FOXP1: variants seen among roughly 807,000 people sequenced by gnomAD.
The protein encoded by FOXP1 is forkhead box protein P1.
A neutral mutation model predicts 98.2 loss-of-function variants in FOXP1; 15 were observed. That is an observed-to-expected ratio of 0.15 (90% CI 0.10 to 0.24). FOXP1 has a LOEUF of 0.24. Ranked by LOEUF, FOXP1 falls within the 10% of genes least tolerant of loss-of-function variation. The pLI is 1.00. For missense variants in FOXP1, 633 were observed against 848.5 expected, an observed-to-expected ratio of 0.75 and a Z score of 3.15; for synonymous variants, 371 against 314.5, an observed-to-expected ratio of 1.18 and a Z score of -1.90.
At chr3:71,233,412 T>C (rs969421441) in intron 5 of FOXP1, among the ~76,000 whole-genome samples, 1 of 152,030 alleles carries the variant, frequency 6.6e-6, no homozygotes, top group South Asian at 2.1e-4. Context: ...GCAGCTGCTA[T>C]AGTTTTTTTT....
intron 4 of FOXP1, among the ~76,000 whole-genome samples, chr3:71,338,079 A>G (rs929468452): frequency 1.3e-5 from 2 of 152,212 alleles, no homozygotes; most frequent in Non-Finnish European, 2.9e-5. Context: ...GAAAGGAAAA[A>G]ATGAAAGCAT....
chr3:71,066,267 A>C (rs2052493122), intron 7 of FOXP1, among the ~76,000 whole-genome samples: 1 of 152,226 alleles, frequency 6.6e-6, no homozygotes, highest in Non-Finnish European at 1.5e-5. Flanking sequence ...AGCGGGGAGC[A>C]GACAATTCCC....
chr3:71,340,078 T>C (rs75727747), intron 4 of FOXP1, among the ~76,000 whole-genome samples: 2 of 152,202 alleles, frequency 1.3e-5, no homozygotes, highest in African/African-American at 4.8e-5. Context: ...GAAGTATCTT[T>C]TGATGCATAT....
At chr3:71,501,084 C>T (rs1260228829) in intron 2 of FOXP1, among the ~76,000 whole-genome samples, 3 of 151,726 alleles carry the variant, frequency 2.0e-5, no homozygotes, top group African/African-American at 7.3e-5. Context: ...CCCAGCTATT[C>T]GGGAGGCTGA....
At chr3:71,187,979 G>A (rs2108318466) in intron 6 of FOXP1, among the ~76,000 whole-genome samples, 1 of 152,284 alleles carries the variant, frequency 6.6e-6, no homozygotes, top group African/African-American at 2.4e-5. Flanking sequence ...AGGCTATAAA[G>A]AGAACTACTT....
At chr3:71,245,960 A>T (rs1453903474) in intron 5 of FOXP1, among the ~76,000 whole-genome samples, 1 of 151,062 alleles carries the variant, frequency 6.6e-6, no homozygotes, top group Non-Finnish European at 1.5e-5. Context: ...ATAAAAAGTA[A>T]GGCTGCTTTC....
Position 70,958,354 on chromosome 3 carries a change from C to A in FOXP1, c.*893G>T. Reference sequence around the variant, plus strand: ...TCATTCTCTTTCTGGCAGGACGTCACGTCTGTGTGAGAGGGCCTTCATGTG... The same window carrying A: ...TCATTCTCTTTCTGGCAGGACGTCAAGTCTGTGTGAGAGGGCCTTCATGTG... On this transcript the variant is annotated 3_prime_UTR_variant, in exon 21 of 21. Transcript: ENST00000649528. The A allele has an allele frequency of 1.9e-6, 1 of 533,376 alleles. No homozygotes were observed. Among genetic ancestry groups the A allele is most frequent in the Non-Finnish European group, 3.6e-6 (1 of 275,370 alleles). 33.0% of individuals were successfully genotyped at this position (533,376 alleles called of 1,614,324 possible).
intron 3 of FOXP1, among the ~76,000 whole-genome samples, chr3:71,412,917 G>A (rs557898249): frequency 2.2e-4 from 34 of 152,288 alleles, no homozygotes; most frequent in African/African-American, 8.2e-4. Flanking sequence ...ACCGGCTGGA[G>A]AATTAATGTG....
At chr3:71,027,254 A>G (rs2046256025) in intron 11 of FOXP1, among the ~76,000 whole-genome samples, 2 of 150,594 alleles carry the variant, frequency 1.3e-5, no homozygotes. Context: ...CAAAAAAACC[A>G]ACGACCGTAA....
intron 3 of FOXP1, among the ~76,000 whole-genome samples, chr3:71,404,969 A>T (rs1161136184): frequency 6.6e-6 from 1 of 152,140 alleles, no homozygotes; most frequent in East Asian, 1.9e-4. Context: ...TCGTGCAGAG[A>T]CTGAATCCGG....
chr3:71,345,587 T>C (rs1036904809), intron 4 of FOXP1, among the ~76,000 whole-genome samples: 2 of 152,088 alleles, frequency 1.3e-5, no homozygotes, highest in African/African-American at 4.8e-5. Flanking sequence ...TACTTCTTTT[T>C]TCCTACCCTG....
At chr3:70,975,826 G>T (rs1017265810) in intron 17 of FOXP1, among the ~76,000 whole-genome samples, 2 of 152,130 alleles carry the variant, frequency 1.3e-5, no homozygotes, top group African/African-American at 4.8e-5. Context: ...CCAAAAATAT[G>T]TGAGGGATCA....
At chr3:71,142,254 T>C (rs1045865637) in intron 6 of FOXP1, among the ~76,000 whole-genome samples, 30 of 152,200 alleles carry the variant, frequency 2.0e-4, no homozygotes, top group African/African-American at 7.2e-4. Context: ...AAGGTTGTAA[T>C]GTCATGTGGT....
intron 11 of FOXP1, among the ~76,000 whole-genome samples, chr3:71,029,913 T>G (rs1324151371): frequency 6.6e-6 from 1 of 152,200 alleles, no homozygotes; most frequent in Admixed American, 6.5e-5. Flanking sequence ...AATGAATAAA[T>G]AGCTTTAATA....
At chr3:71,452,745 T>C (rs979568571) in intron 3 of FOXP1, among the ~76,000 whole-genome samples, 5 of 152,176 alleles carry the variant, frequency 3.3e-5, no homozygotes, top group South Asian at 2.1e-4. Flanking sequence ...AGCTTTTCAG[T>C]TGCTGACAAA....
chr3:71,551,227 G>A (rs905917311), intron 2 of FOXP1, among the ~76,000 whole-genome samples: 2 of 151,992 alleles, frequency 1.3e-5, no homozygotes, highest in Non-Finnish European at 2.9e-5. Flanking sequence ...AAACTATCAA[G>A]GTTCCATCCA....
At chr3:71,460,162 C>G (rs563314194) in intron 3 of FOXP1, among the ~76,000 whole-genome samples, 4 of 151,970 alleles carry the variant, frequency 2.6e-5, no homozygotes, top group Non-Finnish European at 5.9e-5. Context: ...TCTCAATCTC[C>G]TGACCTCGTG....
chr3:71,343,309 T>C (rs1011111812), intron 4 of FOXP1, among the ~76,000 whole-genome samples: 2 of 152,174 alleles, frequency 1.3e-5, no homozygotes, highest in African/African-American at 4.8e-5. Flanking sequence ...CTTATGTGCA[T>C]ACATTGATTT....
chr3:71,071,837 A>T (rs1050987440), intron 7 of FOXP1, among the ~76,000 whole-genome samples: 7 of 152,240 alleles, frequency 4.6e-5, no homozygotes, highest in African/African-American at 1.7e-4. Flanking sequence ...CAGCCTCCCA[A>T]GGTGCTGGGA....
Sources: allele counts gnomAD v4.1 joint callset (sites outside exome capture counted in the v4.1 genomes callset), GRCh38; gene constraint gnomAD v4.1.1; transcripts MANE v1.5; gene names NCBI Gene and HGNC (gene_info 2026-07-23, HGNC 2026-07-21).